The following ZC3H4 variants were observed in gnomAD, a reference collection of about 807,000 sequenced individuals.
ZC3H4 encodes zinc finger CCCH domain-containing protein 4.
In ZC3H4, 13 loss-of-function variants were observed where a neutral mutation model predicts 108.3. That is an observed-to-expected ratio of 0.12 (90% CI 0.08 to 0.19). The LOEUF (loss-of-function observed/expected upper bound fraction) is 0.19, where lower values mean the gene tolerates loss of function less well. Ranked by LOEUF, ZC3H4 falls within the 10% of genes least tolerant of loss-of-function variation. The pLI, the probability that ZC3H4 is intolerant of heterozygous loss-of-function variation, is 1.00. For missense variants in ZC3H4, 1,734 were observed against 1,838.8 expected (o/e 0.94, Z 1.04); for synonymous variants, 917 against 749.6 (o/e 1.22, Z -3.65).
intron 13 of ZC3H4, 47 bp from the exon 14 acceptor site, chr19:47,069,390 G>A (rs992898655): frequency 6.3e-7 from 1 of 1,586,286 alleles, no homozygotes; most frequent in Non-Finnish European, 8.6e-7. Context: ...GGGCCTCCAG[G>A]TGCCAACTCC....
chr19:47,095,266 T>G (rs1372345471), intron 2 of ZC3H4, among the ~76,000 whole-genome samples: 1 of 152,220 alleles, frequency 6.6e-6, no homozygotes, highest in Non-Finnish European at 1.5e-5. Flanking sequence ...AGGCCTGGGC[T>G]GTGGCCTGAG....
In ZC3H4 at chr19:47,094,540, C is replaced by T. The variant is rs2057790994; in HGVS notation, c.230G>A (p.Gly77Glu). ...DGAEETQDTS[G>E]GPERSRKEKG... is the part of the protein sequence containing the mutation. ...TTCTTTCCGGCTTCTCTCAGGCCCT[C>T]CGGAGGTATCCTGGGTCTCCTCTGC... Residue 77 changes from glycine to glutamate, a missense_variant, in exon 3 of 15, where the codon GGA becomes GAA. Gly to Glu is a moderately conservative substitution (Grantham distance 98). Transcript: ENST00000253048. 1 of 1,614,242 alleles carries T rather than the reference C, an allele frequency of 6.2e-7. No individual in the cohort carries two copies. The highest frequency in any genetic ancestry group is 8.5e-7 in the Non-Finnish European group (1 of 1,180,048).
chr19:47,067,667 G>A lies in ZC3H4; in HGVS notation c.2601C>T (p.Asp867=), dbSNP rs760380939. The change falls in exon 15 of 15, where the codon GAC becomes GAT. Residue 867 remains aspartate (D), a synonymous_variant. Coordinates refer to ENST00000253048, the MANE Select transcript of ZC3H4 (RefSeq NM_015168.2). The surrounding 1 kb of genome is among the most constrained non-coding windows in gnomAD (Gnocchi z 6.4). The part of the protein sequence containing the change: ...SRLADPRLSR[D]PRLTRHVEAS... ...CCTCCACATGGCGGGTGAGTCTGGG[G>A]TCCCGGCTGAGGCGAGGGTCAGCCA... is the stretch of plus-strand genomic sequence containing the variant. 3.7e-6 allele frequency: 6 copies of A among 1,601,348 alleles called. No individual in the cohort carries two copies. In the African/African-American group the frequency reaches 8.0e-5, roughly 21 times the overall value.
intron 2 of ZC3H4, among the ~76,000 whole-genome samples, chr19:47,104,407 A>T (rs944090256): frequency 1.3e-5 from 2 of 152,238 alleles, no homozygotes; most frequent in African/African-American, 4.8e-5. Context: ...AGGGCAGACA[A>T]GAATGAGGTT....
At chr19:47,101,098 T>C (rs2057898031) in intron 2 of ZC3H4, among the ~76,000 whole-genome samples, 1 of 152,014 alleles carries the variant, frequency 6.6e-6, no homozygotes, top group Admixed American at 6.6e-5. Context: ...TCCCAGCATT[T>C]TGGGAGGCCA....
At chr19:47,076,003 T>C (rs929888357) in intron 11 of ZC3H4, among the ~76,000 whole-genome samples, 8 of 152,150 alleles carry the variant, frequency 5.3e-5, no homozygotes, top group Admixed American at 5.2e-4. Context: ...AGACTATCAG[T>C]GATCACAGTT....
intron 11 of ZC3H4, among the ~76,000 whole-genome samples, chr19:47,076,012 T>C (rs2057411629): frequency 6.6e-6 from 1 of 152,214 alleles, no homozygotes; most frequent in Non-Finnish European, 1.5e-5. Flanking sequence ...GTGATCACAG[T>C]TTCCAACAGT....
At chr19:47,079,725 G>A (rs1043188677) in intron 11 of ZC3H4, among the ~76,000 whole-genome samples, 14 of 152,254 alleles carry the variant, frequency 9.2e-5, no homozygotes, top group African/African-American at 3.1e-4. Context: ...GTGAAACCCC[G>A]TCTCTACTGA....
chr19:47,070,628 C>T (rs1599973665), intron 13 of ZC3H4, among the ~76,000 whole-genome samples: 3 of 152,276 alleles, frequency 2.0e-5, no homozygotes, highest in African/African-American at 7.2e-5. Flanking sequence ...GTCTTTCTTT[C>T]TAAAGCACCC....
chr19:47,110,988 G>C (rs1411943137), intron 2 of ZC3H4: 2 of 918,572 alleles, frequency 2.2e-6, no homozygotes, highest in Non-Finnish European at 2.6e-6. Context: ...GGGGAGGTGG[G>C]AGTGGGGAGA....
chr19:47,074,380 G>A (rs2057380961), intron 11 of ZC3H4, among the ~76,000 whole-genome samples: 3 of 152,158 alleles, frequency 2.0e-5, no homozygotes. Flanking sequence ...ATATCCCCAG[G>A]GCCCCCACGA....
chr19:47,101,186 A>ATGT (rs2123059120), intron 2 of ZC3H4, among the ~76,000 whole-genome samples: 1 of 152,014 alleles, frequency 6.6e-6, no homozygotes, highest in African/African-American at 2.4e-5. Context: ...CAATAAATAC[A>ATGT]AAACTTAGCC....
chr19:47,074,137 A>G (rs2057377891), intron 11 of ZC3H4, among the ~76,000 whole-genome samples: 1 of 152,052 alleles, frequency 6.6e-6, no homozygotes, highest in African/African-American at 2.4e-5. Flanking sequence ...AGCTTCCCCC[A>G]GGTTTTTATT....
rs760861085 is a variant in ZC3H4, at chr19:47,072,724, GAAAGAACA to G, written c.1441-19_1441-12del. On this transcript the variant is annotated splice_polypyrimidine_tract_variant and intron_variant, in intron 11 of 14. Transcript: ENST00000253048. This position sits in a 1 kb window ranked among gnomAD's most constrained non-coding sequence, Gnocchi z 5.6. ...ATCATCGGCCAACATCTGCGGGTGT[GAAAGAACA>G]AAAGAAGGTGTGGACGGGGTCAGGA... The G allele has an allele frequency of 7.1e-5, 114 of 1,613,126 alleles. No individual in the cohort carries two copies. The African/African-American group carries it at 1.5e-3, about 21-fold the overall frequency.
chr19:47,105,135 C>T (rs1341783062), intron 2 of ZC3H4, among the ~76,000 whole-genome samples: 1 of 152,132 alleles, frequency 6.6e-6, no homozygotes, highest in Non-Finnish European at 1.5e-5. Flanking sequence ...ATCTATATTC[C>T]CTCCTCATTC....
In ZC3H4 at chr19:47,066,684, G is replaced by A; in HGVS notation, c.3584C>T (p.Ala1195Val). The change falls in exon 15 of 15, where the codon GCC (alanine) becomes GTC (valine). Residue 1195 changes from alanine to valine, a missense_variant. Transcript: ENST00000253048. ...CTTCCCTGTCTCTGGCTGTTCCAGG[G>A]CAGACTTGCGGACGAACGGGGGCTC... ...AKEPPFVRKS[A>V]LEQPETGKAG... 1.2e-6 allele frequency: 2 copies of A among 1,610,954 alleles called. No individual in the cohort carries two copies. The highest frequency in any genetic ancestry group is 1.7e-6 in the Non-Finnish European group (2 of 1,179,334).
chr19:47,092,402 C>T (rs2057748579), intron 4 of ZC3H4, among the ~76,000 whole-genome samples: 1 of 152,208 alleles, frequency 6.6e-6, no homozygotes, highest in Non-Finnish European at 1.5e-5. Flanking sequence ...GGTTTGAAGG[C>T]CAAACCTACA....
chr19:47,088,966 G>A (rs753087891), intron 5 of ZC3H4, among the ~76,000 whole-genome samples: 2 of 151,972 alleles, frequency 1.3e-5, no homozygotes, highest in African/African-American at 2.4e-5. Flanking sequence ...CCAGCACTTT[G>A]GGAGGCCGAG....
At chr19:47,101,313 A>C (rs1332844280) in intron 2 of ZC3H4, among the ~76,000 whole-genome samples, 2 of 151,944 alleles carry the variant, frequency 1.3e-5, no homozygotes, top group Non-Finnish European at 2.9e-5. Context: ...CAGCCTGGGC[A>C]ACAGAGTGAG....
Sources: gnomAD v4.1 joint callset for allele counts (sites outside exome capture counted in the v4.1 genomes callset) on GRCh38, gnomAD v4.1.1 for gene constraint, Gnocchi (gnomAD v3.1) non-coding constraint, MANE v1.5 for transcripts, NCBI Gene and HGNC (gene_info 2026-07-23, HGNC 2026-07-21) for gene names.